Variants in DNAH10 observed in about 807,000 individuals in gnomAD.
The protein encoded by DNAH10 is axonemal beta dynein heavy chain 10.
In DNAH10, 348 loss-of-function variants were observed where a neutral mutation model predicts 506.6. That is an observed-to-expected ratio of 0.69 (90% CI 0.63 to 0.75). The LOEUF is 0.75. Among genes scored for constraint, DNAH10 ranks in the 30% least tolerant of loss-of-function variants. The pLI, the probability that DNAH10 is intolerant of heterozygous loss-of-function variation, is 0.00. For missense variants in DNAH10, 5,179 were observed against 5,787.1 expected, an observed-to-expected ratio of 0.89 and a Z score of 3.41; for synonymous variants, 2,059 against 2,198.6, an observed-to-expected ratio of 0.94 and a Z score of 1.78.
rs567967290 is a variant in DNAH10, at chr12:123,783,556, C to G, written c.999+292C>G. 6.6e-5 allele frequency among the ~76,000 whole-genome samples: 10 copies of G among 152,310 alleles called. No individual in the cohort carries two copies. The East Asian group carries it at 1.7e-3, about 26-fold the overall frequency. On this transcript the variant is annotated intron_variant, in intron 7 of 78. Coordinates refer to ENST00000673944, the MANE Select transcript of DNAH10 (RefSeq NM_001372106.1). ...GTCGATCAACTAAGAAAGCAAATTCCTTGGCTCACATAATGGAAAAGTCCA... is the reference window on the plus strand; with the variant it reads ...GTCGATCAACTAAGAAAGCAAATTCGTTGGCTCACATAATGGAAAAGTCCA...
In DNAH10 at chr12:123,916,671, C is replaced by G. The variant is rs757618211; in HGVS notation, c.10937C>G (p.Thr3646Ser). ...YDSNFRLYLN[T>S]KLANPRYSPS... ...TCAAATTTCAGACTGTACCTGAACA[C>G]CAAGCTGGCCAATCCCAGATATTCC... The change falls in exon 63 of 79, where the codon ACC (threonine) becomes AGC (serine). Residue 3646 changes from threonine (T) to serine (S), a missense_variant. By Grantham distance (58) the Thr-to-Ser change is moderately conservative. Transcript: ENST00000673944. This position sits in a 1 kb window ranked among gnomAD's most constrained non-coding sequence, Gnocchi z 4.6. 3.1e-6 allele frequency: 5 copies of G among 1,613,878 alleles called. No individual in the cohort carries two copies. The South Asian group carries it at 4.4e-5, about 14-fold the overall frequency.
intron 29 of DNAH10, 23 bp from the exon 30 acceptor site, chr12:123,841,299 G>A (rs549189084): frequency 1.9e-6 from 3 of 1,612,866 alleles, no homozygotes; most frequent in East Asian, 2.2e-5. Flanking sequence ...AGGTCTTACA[G>A]GGCTGCCTCT....
At chr12:123,860,640 G>A (rs527897349) in intron 38 of DNAH10, among the ~76,000 whole-genome samples, 2 of 152,276 alleles carry the variant, frequency 1.3e-5, no homozygotes, top group South Asian at 4.1e-4. Context: ...TATTATCGTG[G>A]ATGACTGAGT....
chr12:123,884,060 G>A (rs188221702), intron 51 of DNAH10, among the ~76,000 whole-genome samples: 20 of 152,218 alleles, frequency 1.3e-4, no homozygotes, highest in Admixed American at 1.2e-3. Context: ...CCGAGATGGA[G>A]TTTCGCTCTG....
Position 123,813,495 on chromosome 12 carries a change from T to G in DNAH10, c.3476T>G (p.Ile1159Ser), listed in dbSNP as rs751107798. 2 of 1,614,166 alleles carry G rather than the reference T, an allele frequency of 1.2e-6. No individual in the cohort carries two copies. Among genetic ancestry groups the G allele is most frequent in the Non-Finnish European group, 1.7e-6 (2 of 1,180,038 alleles). Reference protein sequence around the residue: ...IAYEVMRHPLIKDEHCIRLQL... With the variant: ...IAYEVMRHPLSKDEHCIRLQL... Reference sequence around the variant, plus strand: ...TATGAGGTTATGCGCCACCCTCTAATTAAGGATGAGCATTGCATCAGACTT... The same window carrying G: ...TATGAGGTTATGCGCCACCCTCTAAGTAAGGATGAGCATTGCATCAGACTT... The change falls in exon 20 of 79, where the codon ATT becomes AGT. Residue 1159 changes from isoleucine (I) to serine (S), a missense_variant. Coordinates refer to ENST00000673944, the MANE Select transcript of DNAH10 (RefSeq NM_001372106.1).
rs1436547455 is a variant in DNAH10 at position 123,787,226 on chromosome 12, G to C, written c.1422-578G>C. 4.6e-5 allele frequency among the ~76,000 whole-genome samples: 7 copies of C among 152,006 alleles called. No individual in the cohort carries two copies. The East Asian group carries it at 1.2e-3, about 25-fold the overall frequency. ...TATATTTATCCATATCTATACATAG[G>C]TATCTATGTCTATATCCATCTATAC... On this transcript the variant is annotated intron_variant, in intron 9 of 78. Coordinates refer to ENST00000673944, the MANE Select transcript of DNAH10 (RefSeq NM_001372106.1). This position sits in a 1 kb window ranked among gnomAD's most constrained non-coding sequence, Gnocchi z 4.6.
chr12:123,934,703 G>A lies in DNAH10; in HGVS notation c.13560G>A (p.Val4520=). Residue 4520 remains valine, a synonymous_variant, in exon 78 of 79, where the codon GTG becomes GTA. Transcript: ENST00000673944. ...KGCLIKSKPK[V]LVVDLPILKI... ...GTCTTATCAAGAGCAAACCCAAGGT[G>A]CTGGTTGTGGACCTGCCGATCCTGA... 2 of 1,613,836 alleles carry A rather than the reference G, an allele frequency of 1.2e-6. No individual in the cohort carries two copies. The highest frequency in any genetic ancestry group is 1.7e-6 in the Non-Finnish European group (2 of 1,179,840).
intron 5 of DNAH10, among the ~76,000 whole-genome samples, chr12:123,779,052 C>T (rs908732473): frequency 2.6e-5 from 4 of 151,930 alleles, no homozygotes; most frequent in South Asian, 2.1e-4. Flanking sequence ...GAGAGGCACC[C>T]GCCACCACAC....
In DNAH10 at chr12:123,819,193, T is replaced by C. The variant is rs771661547; in HGVS notation, c.3943T>C (p.Phe1315Leu). The C allele has an allele frequency of 6.2e-7, 1 of 1,613,532 alleles. No homozygotes were observed. Among genetic ancestry groups the C allele is most frequent in the Non-Finnish European group, 8.5e-7 (1 of 1,179,780 alleles). ...GAACTACAGAGTTCAGATAGAGGAG[T>C]TTGCAAAGCGTTTTTACAGTGAAGG... Reference protein sequence around the residue: ...IMNYRVQIEEFAKRFYSEGPG... With the variant: ...IMNYRVQIEELAKRFYSEGPG... Residue 1315 changes from phenylalanine (F) to leucine (L), a missense_variant, in exon 23 of 79, where the codon TTT (phenylalanine) becomes CTT (leucine). Physicochemically the swap from Phe to Leu is conservative, Grantham distance 22. Transcript: ENST00000673944.
At chr12:123,927,809 G>A (rs2137669784) in intron 69 of DNAH10, 1 of 153,786 alleles carries the variant, frequency 6.5e-6, no homozygotes, top group East Asian at 1.9e-4. Flanking sequence ...GGATGGCCCA[G>A]GAGGCAAGCC....
chr12:123,762,927 C>T lies in DNAH10; in HGVS notation c.214+377C>T, dbSNP rs931436121. ...CACGGAGGGGGTTAAGTAACCTGCCCAAGGCCCACGGGGCGTCAAGATCCA... is the reference window on the plus strand; with the variant it reads ...CACGGAGGGGGTTAAGTAACCTGCCTAAGGCCCACGGGGCGTCAAGATCCA... On this transcript the variant is annotated intron_variant, in intron 1 of 78. Coordinates refer to ENST00000673944, the MANE Select transcript of DNAH10 (RefSeq NM_001372106.1). The surrounding 1 kb of genome is among the most constrained non-coding windows in gnomAD (Gnocchi z 5.0). Among the ~76,000 whole-genome samples the T allele has an allele frequency of 6.6e-6, 1 of 152,140 alleles. No individual in the cohort carries two copies. Among genetic ancestry groups the T allele is most frequent in the African/African-American group, 2.4e-5 (1 of 41,440 alleles).
intron 50 of DNAH10, 73 bp from the exon 51 acceptor site, chr12:123,881,552 C>T: frequency 7.3e-7 from 1 of 1,375,390 alleles, no homozygotes; most frequent in South Asian, 1.5e-5. Context: ...TGGATATTAG[C>T]CCTTTGTCAG....
intron 2 of DNAH10, among the ~76,000 whole-genome samples, chr12:123,768,593 T>C (rs1190253170): frequency 6.6e-6 from 1 of 150,774 alleles, no homozygotes; most frequent in South Asian, 2.1e-4. Context: ...TTCAACCGAG[T>C]GTAGTATGTA....
At chr12:123,857,850 A>G (rs1052094625) in intron 37 of DNAH10, among the ~76,000 whole-genome samples, 1 of 152,212 alleles carries the variant, frequency 6.6e-6, no homozygotes, top group Admixed American at 6.5e-5. Context: ...AAAACCCTAC[A>G]CCCGTTAACA....
chr12:123,814,892 C>T (rs963000516), intron 21 of DNAH10, among the ~76,000 whole-genome samples: 24 of 152,322 alleles, frequency 1.6e-4, no homozygotes, highest in African/African-American at 5.3e-4. Context: ...GCTGGGATTA[C>T]AGGCATGAGC....
intron 69 of DNAH10, 198 bp downstream of exon 69, chr12:123,927,018 G>A (rs1300134525): frequency 4.6e-5 from 29 of 627,182 alleles, no homozygotes; most frequent in East Asian, 3.5e-4. Flanking sequence ...TGTGATCATG[G>A]TGCTGTGCTG....
chr12:123,875,113 C>T (rs546046553), intron 46 of DNAH10, 118 bp from the exon 47 acceptor site: 43 of 1,185,842 alleles, frequency 3.6e-5, no homozygotes, highest in African/African-American at 9.3e-5. Context: ...AAACTGAAAC[C>T]GAGGTGCCCT....
rs750472254 is a variant in DNAH10 at position 123,783,939 on chromosome 12, CCT to C, written c.1000-4_1000-3del. 6 of 1,611,790 alleles carry C rather than the reference CCT, an allele frequency of 3.7e-6. No homozygotes were observed. Among genetic ancestry groups the C allele is most frequent in the Non-Finnish European group, 2.5e-6 (3 of 1,177,916 alleles). On this transcript the variant is annotated splice_region_variant and splice_polypyrimidine_tract_variant and intron_variant, in intron 7 of 78. Coordinates refer to ENST00000673944, the MANE Select transcript of DNAH10 (RefSeq NM_001372106.1). Reference sequence around the variant, plus strand: ...GAGAGTTCTTTGTGTGTTCATTTCACCTCTCAGGGTAAAGGCCCTCTGGCTGA... The same window carrying C: ...GAGAGTTCTTTGTGTGTTCATTTCACCTCAGGGTAAAGGCCCTCTGGCTGA...
chr12:123,828,508 T>G (rs1346371783), intron 25 of DNAH10, among the ~76,000 whole-genome samples: 1 of 152,158 alleles, frequency 6.6e-6, no homozygotes, highest in Admixed American at 6.5e-5. Flanking sequence ...GAGTTGTGTG[T>G]CTATTCCCAT....
Sources: allele counts gnomAD v4.1 joint callset (sites outside exome capture counted in the v4.1 genomes callset), GRCh38; gene constraint gnomAD v4.1.1; non-coding constraint Gnocchi (gnomAD v3.1); transcripts MANE v1.5; gene names NCBI Gene and HGNC (gene_info 2026-07-23, HGNC 2026-07-21).